The following STK31 variants were observed in gnomAD, a reference collection of about 807,000 sequenced individuals.
STK31 encodes serine/threonine-protein kinase 31.
STK31 carries 89 observed loss-of-function variants against 129.7 expected under a neutral mutation model. The ratio of observed to expected loss-of-function variants is 0.69; its 90% CI spans 0.58 to 0.82. The LOEUF (loss-of-function observed/expected upper bound fraction) is 0.82. Among genes scored for constraint, STK31 ranks in the 40% least tolerant of loss-of-function variants. The pLI, the probability that STK31 is intolerant of heterozygous loss-of-function variation, is 0.00. For synonymous variants in STK31, 448 were observed against 395.3 expected (o/e 1.13, Z -1.58); for missense variants, 1,187 against 1,176.4 (o/e 1.01, Z -0.13).
chr7:23,787,741 TACACACACACACACACACACAC>T (rs71888376), intron 20 of STK31, among the ~76,000 whole-genome samples: 2 of 145,640 alleles, frequency 1.4e-5, no homozygotes, highest in African/African-American at 5.1e-5. Context: ...GGTATGATTG[TACACACACACACACACACACAC>T]ACACACACAC....
intron 8 of STK31, among the ~76,000 whole-genome samples, chr7:23,745,636 C>T (rs911908947): frequency 6.6e-6 from 1 of 152,196 alleles, no homozygotes; most frequent in Non-Finnish European, 1.5e-5. Context: ...GTGGCAGCAG[C>T]AGCTAGCATT....
intron 4 of STK31, among the ~76,000 whole-genome samples, chr7:23,718,667 G>A (rs890965151): frequency 6.6e-6 from 1 of 152,044 alleles, no homozygotes; most frequent in Admixed American, 6.6e-5. Flanking sequence ...GTGTGTATTA[G>A]TGTATTGGTA....
chr7:23,755,714 A>G (rs907789501), intron 10 of STK31, among the ~76,000 whole-genome samples: 10 of 152,096 alleles, frequency 6.6e-5, no homozygotes, highest in Admixed American at 2.0e-4. Context: ...AGTTTTCTGC[A>G]TATGTCTAGT....
chr7:23,779,520 A>G (rs1790776171), intron 15 of STK31, among the ~76,000 whole-genome samples: 1 of 152,160 alleles, frequency 6.6e-6, no homozygotes. Flanking sequence ...TCTATCTTTC[A>G]TTCAGAGATG....
intron 13 of STK31, among the ~76,000 whole-genome samples, chr7:23,769,963 A>AT (rs1415241603): frequency 6.6e-6 from 1 of 152,164 alleles, no homozygotes; most frequent in African/African-American, 2.4e-5. Context: ...CTTAGGTGAC[A>AT]TTTTTGTTTT....
chr7:23,829,600 T>C (rs903576936), intron 23 of STK31, among the ~76,000 whole-genome samples: 6 of 152,232 alleles, frequency 3.9e-5, no homozygotes, highest in Non-Finnish European at 8.8e-5. Flanking sequence ...GTTGTTGTTG[T>C]GTCCTTGTCT....
At chr7:23,748,070 C>T (rs1037494977) in intron 8 of STK31, among the ~76,000 whole-genome samples, 2 of 152,166 alleles carry the variant, frequency 1.3e-5, no homozygotes, top group Non-Finnish European at 2.9e-5. Context: ...CTTTTCACTT[C>T]TAATATATAC....
intron 11 of STK31, among the ~76,000 whole-genome samples, chr7:23,764,106 G>T (rs1789659296): frequency 6.6e-6 from 1 of 152,176 alleles, no homozygotes; most frequent in Admixed American, 6.5e-5. Flanking sequence ...GCCCTGGTTT[G>T]AAACATTTTC....
chr7:23,803,369 A>G (rs556616471), intron 22 of STK31, among the ~76,000 whole-genome samples: 1 of 152,236 alleles, frequency 6.6e-6, no homozygotes, highest in Non-Finnish European at 1.5e-5. Flanking sequence ...AAAAAATTTT[A>G]GAAATAGCAA....
At chr7:23,781,261 C>G (rs1488618493) in intron 15 of STK31, among the ~76,000 whole-genome samples, 158 bp from the exon 16 acceptor site, 1 of 152,028 alleles carries the variant, frequency 6.6e-6, no homozygotes, top group Non-Finnish European at 1.5e-5. Flanking sequence ...ATAAATTGAC[C>G]TAAGTTAATT....
chr7:23,756,529 G>A (rs1162488808), intron 10 of STK31, among the ~76,000 whole-genome samples: 3 of 152,118 alleles, frequency 2.0e-5, no homozygotes, highest in Non-Finnish European at 4.4e-5. Flanking sequence ...TTCCAATACT[G>A]TGGTGAATAG....
chr7:23,712,025 G>T, intron 1 of STK31, 74 bp from the exon 2 acceptor site: 1 of 1,241,060 alleles, frequency 8.1e-7, no homozygotes, highest in South Asian at 1.4e-5. Flanking sequence ...TGTAAGAATT[G>T]AACATGATGT....
intron 21 of STK31, among the ~76,000 whole-genome samples, chr7:23,788,586 CTGTTAATTCAG>C (rs1030478648): frequency 6.6e-6 from 1 of 152,032 alleles, no homozygotes; most frequent in African/African-American, 2.4e-5. Flanking sequence ...CCTCTAATGG[CTGTTAATTCAG>C]TGTCATATTA....
intron 23 of STK31, among the ~76,000 whole-genome samples, chr7:23,825,232 CT>C (rs1437459593): frequency 2.0e-5 from 3 of 152,088 alleles, no homozygotes; most frequent in Non-Finnish European, 4.4e-5. Context: ...TGGTCCTGGA[CT>C]TTTTTTGGTT....
At chr7:23,798,042 T>C (rs1168292784) in intron 22 of STK31, among the ~76,000 whole-genome samples, 1 of 152,082 alleles carries the variant, frequency 6.6e-6, no homozygotes, top group Non-Finnish European at 1.5e-5. Context: ...CTCCCAAGAC[T>C]AAATCAGCAA....
At chr7:23,823,402 G>A (rs1356893474) in intron 23 of STK31, among the ~76,000 whole-genome samples, 12 of 152,272 alleles carry the variant, frequency 7.9e-5, no homozygotes, top group Middle Eastern at 3.4e-3. Flanking sequence ...CTTCTTTTGA[G>A]AAGTGTCTGT....
At chr7:23,774,573 A>T (rs916787488) in intron 15 of STK31, among the ~76,000 whole-genome samples, 1 of 152,206 alleles carries the variant, frequency 6.6e-6, no homozygotes, top group Admixed American at 6.5e-5. Flanking sequence ...GGCTGCATAA[A>T]TGTCTTCTTT....
intron 22 of STK31, among the ~76,000 whole-genome samples, chr7:23,813,078 CTTT>C (rs70956924): frequency 1.1e-5 from 1 of 94,110 alleles, no homozygotes; most frequent in Non-Finnish European, 2.0e-5. Context: ...GCTCTCTGTT[CTTT>C]TTTTTTTTTT....
chr7:23,753,942 A>G (rs185605706), intron 9 of STK31, among the ~76,000 whole-genome samples: 53 of 152,202 alleles, frequency 3.5e-4, no homozygotes, highest in Non-Finnish European at 7.1e-4. Flanking sequence ...TTTCTCTTAG[A>G]CATTGTAAAT....
Sources: gnomAD v4.1 joint callset for allele counts (sites outside exome capture counted in the v4.1 genomes callset) on GRCh38, gnomAD v4.1.1 for gene constraint, MANE v1.5 for transcripts, NCBI Gene and HGNC (gene_info 2026-07-23, HGNC 2026-07-21) for gene names.